The following KRT8 variants were observed in gnomAD, a reference collection of about 807,000 sequenced individuals.
KRT8 encodes the protein keratin 8.
Under a neutral mutation model 43.0 loss-of-function variants are expected in KRT8, and 24 were observed. That is an observed-to-expected ratio of 0.56 (90% CI 0.40 to 0.78). The LOEUF (loss-of-function observed/expected upper bound fraction) is 0.78. Ranked by LOEUF, KRT8 falls within the 30% of genes least tolerant of loss-of-function variation. The pLI is 0.00. For synonymous variants in KRT8, 214 were observed against 261.2 expected (o/e 0.82, Z 1.74); for missense variants, 492 against 638.4 (o/e 0.77, Z 2.47).
At chr12:52,901,022 G>C (rs1941356392) in intron 3 of KRT8, 137 bp downstream of exon 3, 2 of 779,416 alleles carry the variant, frequency 2.6e-6, no homozygotes. Flanking sequence ...CTACCTTTCT[G>C]TGCACCCAAA....
At chr12:52,932,245 C>T (rs371113696) in intron 2 of KRT8, among the ~76,000 whole-genome samples, 1 of 151,886 alleles carries the variant, frequency 6.6e-6, no homozygotes, top group Non-Finnish European at 1.5e-5. Context: ...CCTGCAACCA[C>T]ACCTGGCTAA....
intron 2 of KRT8, among the ~76,000 whole-genome samples, chr12:52,925,422 G>C (rs962273144): frequency 4.6e-5 from 7 of 152,140 alleles, no homozygotes; most frequent in African/African-American, 1.7e-4. Context: ...TCAGCACTTA[G>C]GTATGAATGG....
At chr12:52,905,107 G>C (rs942295616), upstream of KRT8, 72 of 1,453,006 alleles carry the variant, frequency 5.0e-5, no homozygotes, top group Non-Finnish European at 6.1e-5. Context: ...CCAGCCCCGG[G>C]GGATGGGGGG....
chr12:52,907,076 C>G (rs1355848461), upstream of KRT8: 2 of 234,866 alleles, frequency 8.5e-6, no homozygotes, highest in Non-Finnish European at 1.7e-5. Flanking sequence ...CAGTGAGTGG[C>G]TCCTTCACCT....
intron 2 of KRT8, chr12:52,926,285 T>C (rs1941989583): frequency 3.9e-6 from 3 of 773,442 alleles, no homozygotes; most frequent in Admixed American, 4.7e-5. Context: ...AAGGTCAAAT[T>C]CCTCATCTGG....
intron 2 of KRT8, among the ~76,000 whole-genome samples, chr12:52,944,656 G>T (rs1565735309): frequency 6.6e-6 from 1 of 152,194 alleles, no homozygotes; most frequent in Non-Finnish European, 1.5e-5. Flanking sequence ...GCGCCTGGAG[G>T]TTTCTGGGCA....
At chr12:52,925,528 A>G (rs996081800) in intron 2 of KRT8, among the ~76,000 whole-genome samples, 1 of 152,252 alleles carries the variant, frequency 6.6e-6, no homozygotes, top group East Asian at 1.9e-4. Flanking sequence ...GCCTTGCCCC[A>G]TTGATACCTG....
rs1286866180 is a variant in KRT8, at chr12:52,902,142, A to G, written c.325-70T>C. ...GCTCAAAGTCTGGAGGAAAGCAAGCAGTCTTTTCTCTTAATTCACTCCTCA... is the reference window on the plus strand; with the variant it reads ...GCTCAAAGTCTGGAGGAAAGCAAGCGGTCTTTTCTCTTAATTCACTCCTCA... On this transcript the variant is annotated intron_variant, in intron 1 of 7. Transcript: ENST00000692008. 8 of 948,912 alleles carry G rather than the reference A, an allele frequency of 8.4e-6. No homozygotes were observed. In the Admixed American group the frequency reaches 1.3e-4, roughly 15 times the overall value. 58.8% of individuals were successfully genotyped at this position (948,912 alleles called of 1,614,324 possible).
chr12:52,945,897 C>A (rs1438169732), intron 2 of KRT8, among the ~76,000 whole-genome samples: 1 of 152,014 alleles, frequency 6.6e-6, no homozygotes, highest in South Asian at 2.1e-4. Flanking sequence ...CACCCCAGAA[C>A]CCTAGTGCTG....
chr12:52,938,621 A>AT (rs113138799), intron 2 of KRT8, among the ~76,000 whole-genome samples: 31,530 of 145,992 alleles, frequency 0.22, 3,375 homozygotes, highest in East Asian at 0.27. Context: ...CTACAAAAGA[A>AT]TTTTTTTTTT....
intron 1 of KRT8, among the ~76,000 whole-genome samples, chr12:52,902,544 C>T (rs1204816491): frequency 6.6e-6 from 1 of 152,084 alleles, no homozygotes; most frequent in South Asian, 2.1e-4. Flanking sequence ...CCTGCCACCA[C>T]GCCCCACTAA....
intron 2 of KRT8, among the ~76,000 whole-genome samples, chr12:52,918,248 A>AAGAAGAAGAAGAAGAAGG (rs1565725906): frequency 6.6e-6 from 1 of 151,620 alleles, no homozygotes; most frequent in African/African-American, 2.4e-5. Flanking sequence ...GAAGAAGAAG[A>AAGAAGAAGAAGAAGAAGG]AGAAGAAGAA....
At position 52,902,085 on chromosome 12, in the gene KRT8, GGA is replaced by G. The variant is rs761187244; in HGVS notation, c.325-15_325-14del. The G allele has an allele frequency of 3.6e-5, 56 of 1,575,780 alleles. No homozygotes were observed. The highest frequency in any genetic ancestry group is 6.7e-5 in the Admixed American group (4 of 59,956). On this transcript the variant is annotated splice_polypyrimidine_tract_variant and intron_variant, in intron 1 of 7. Transcript: ENST00000692008. ...CCAGGAACCGTACCTATACGAAGGA[GGA>G]GAGAGCAAAAAGGTCTACATCAGGC...
chr12:52,930,680 C>G (rs1409235538), intron 2 of KRT8, among the ~76,000 whole-genome samples: 1 of 152,164 alleles, frequency 6.6e-6, no homozygotes, highest in East Asian at 1.9e-4. Flanking sequence ...CCCACCTCAG[C>G]CTCCTGAGTA....
intron 2 of KRT8, among the ~76,000 whole-genome samples, chr12:52,928,900 C>T (rs942367994): frequency 6.6e-6 from 1 of 152,094 alleles, no homozygotes; most frequent in African/African-American, 2.4e-5. Flanking sequence ...GAGTGAAACT[C>T]CAACTCAAAA....
chr12:52,948,130 G>C (rs922693987), intron 2 of KRT8: 1 of 152,292 alleles, frequency 6.6e-6, no homozygotes, highest in Non-Finnish European at 1.5e-5. Context: ...GGGGCTCAGA[G>C]ACTGGGTTTG....
chr12:52,931,748 C>G (rs548490734), intron 2 of KRT8, among the ~76,000 whole-genome samples: 2 of 151,874 alleles, frequency 1.3e-5, no homozygotes, highest in Non-Finnish European at 2.9e-5. Flanking sequence ...CTGTAAACCC[C>G]GCCTTCCAGT....
Position 52,897,215 on chromosome 12 carries a change from T to C in KRT8, c.*213A>G, listed in dbSNP as rs113980111. The C allele has an allele frequency of 6.2e-3, 4,120 of 661,632 alleles. 124 individuals carry two copies. In the African/African-American group the frequency reaches 0.067, roughly 11 times the overall value. 41.0% of individuals were successfully genotyped at this position (661,632 alleles called of 1,614,324 possible). On this transcript the variant is annotated 3_prime_UTR_variant, in exon 8 of 8. Transcript: ENST00000692008. Reference sequence around the variant, plus strand: ...ATTGGCAGAGCTAGCTGAGGTTTTATTTTGGACCAAAAAAAAAAAGCAATT... The same window carrying C: ...ATTGGCAGAGCTAGCTGAGGTTTTACTTTGGACCAAAAAAAAAAAGCAATT...
intron 2 of KRT8, among the ~76,000 whole-genome samples, chr12:52,931,649 T>C: frequency 7.1e-6 from 1 of 140,190 alleles, no homozygotes. Context: ...CACTACTCAT[T>C]GGCTCCCCAT....
Sources: gnomAD v4.1 joint callset for allele counts (sites outside exome capture counted in the v4.1 genomes callset) on GRCh38, gnomAD v4.1.1 for gene constraint, MANE v1.5 for transcripts, NCBI Gene and HGNC (gene_info 2026-07-23, HGNC 2026-07-21) for gene names.